The following STIM1 variants were observed in gnomAD, a reference collection of about 807,000 sequenced individuals.
The protein encoded by STIM1 is stromal interaction molecule 1.
STIM1 carries 25 observed loss-of-function variants against 74.7 expected under a neutral mutation model. The ratio of observed to expected loss-of-function variants is 0.33; its 90% CI spans 0.24 to 0.47. The LOEUF (loss-of-function observed/expected upper bound fraction) is 0.47. Among genes scored for constraint, STIM1 ranks in the 20% least tolerant of loss-of-function variants. STIM1 has a pLI of 1.00. For synonymous variants in STIM1, 328 were observed against 348.8 expected (o/e 0.94, Z 0.66); for missense variants, 728 against 920.8 (o/e 0.79, Z 2.71).
chr11:4,043,489 G>C (rs928796978), intron 3 of STIM1, among the ~76,000 whole-genome samples: 2 of 152,116 alleles, frequency 1.3e-5, no homozygotes, highest in African/African-American at 2.4e-5. Context: ...TATAAATACT[G>C]ATGGGATGGA....
intron 3 of STIM1, among the ~76,000 whole-genome samples, chr11:4,027,089 C>A (rs1174995177): frequency 6.6e-6 from 1 of 152,092 alleles, no homozygotes; most frequent in African/African-American, 2.4e-5. Flanking sequence ...ATCCAAGGGA[C>A]CCACCAGGAA....
At chr11:3,942,045 A>C (rs1239523497) in intron 1 of STIM1, among the ~76,000 whole-genome samples, 1 of 152,208 alleles carries the variant, frequency 6.6e-6, no homozygotes, top group Non-Finnish European at 1.5e-5. Flanking sequence ...TCTCAATTAA[A>C]AAATGTTCAA....
Position 4,092,010 on chromosome 11 carries a change from G to A in STIM1, c.*212G>A, listed in dbSNP as rs201861839. ...ACCATGGCCTGCCTGCCCTGCCTCC[G>A]TCCCAACCATGGGCTGCTGCTGTCA... On this transcript the variant is annotated 3_prime_UTR_variant, in exon 13 of 13. Transcript: ENST00000526596. 35 of 666,432 alleles carry A rather than the reference G, an allele frequency of 5.3e-5. No homozygotes were observed. Among genetic ancestry groups the A allele is most frequent in the Non-Finnish European group, 6.7e-5 (26 of 390,100 alleles). 41.3% of individuals were successfully genotyped at this position (666,432 alleles called of 1,614,324 possible).
chr11:4,010,872 C>A (rs1027491913), intron 2 of STIM1, among the ~76,000 whole-genome samples: 2 of 152,146 alleles, frequency 1.3e-5, no homozygotes, highest in Non-Finnish European at 2.9e-5. Flanking sequence ...CTCCCCCAGC[C>A]CCCAGCCCCC....
intron 2 of STIM1, among the ~76,000 whole-genome samples, chr11:3,977,293 G>A (rs1429925254): frequency 2.6e-5 from 4 of 152,158 alleles, no homozygotes; most frequent in Non-Finnish European, 4.4e-5. Context: ...GTCTTAGCAA[G>A]GGTGTGATCA....
chr11:3,979,121 G>T (rs1353321918), intron 2 of STIM1, among the ~76,000 whole-genome samples: 1 of 152,152 alleles, frequency 6.6e-6, no homozygotes, highest in Non-Finnish European at 1.5e-5. Context: ...GCCCAGTGCT[G>T]TGGTTAATAT....
At chr11:3,866,836 A>G (rs1291163491) in intron 1 of STIM1, among the ~76,000 whole-genome samples, 1 of 152,166 alleles carries the variant, frequency 6.6e-6, no homozygotes, top group African/African-American at 2.4e-5. Flanking sequence ...AGGGTAAAGA[A>G]AGAAAGAAAA....
intron 7 of STIM1, among the ~76,000 whole-genome samples, chr11:4,081,437 A>G (rs2094464849): frequency 6.6e-6 from 1 of 152,284 alleles, no homozygotes; most frequent in South Asian, 2.1e-4. Context: ...CATGCTCATT[A>G]TCTTCCCACC....
intron 1 of STIM1, among the ~76,000 whole-genome samples, chr11:3,869,505 T>TA (rs2090997627): frequency 6.6e-6 from 1 of 152,040 alleles, no homozygotes; most frequent in African/African-American, 2.4e-5. Context: ...CAGGTAGAAA[T>TA]ATAAGGGAAT....
At chr11:4,030,235 TG>T (rs2094037411) in intron 3 of STIM1, among the ~76,000 whole-genome samples, 2 of 150,688 alleles carry the variant, frequency 1.3e-5, no homozygotes, top group East Asian at 3.9e-4. Flanking sequence ...AGGCTGAGGC[TG>T]GAGAATTGTT....
At chr11:4,018,409 G>A (rs1368993813) in intron 2 of STIM1, among the ~76,000 whole-genome samples, 18 of 120,920 alleles carry the variant, frequency 1.5e-4, no homozygotes, top group Admixed American at 1.1e-3. Flanking sequence ...CCGAGATTGC[G>A]CCACTGCAGT....
chr11:3,960,355 C>G (rs1341637516), intron 1 of STIM1, among the ~76,000 whole-genome samples: 2 of 152,204 alleles, frequency 1.3e-5, no homozygotes, highest in African/African-American at 4.8e-5. Context: ...TTGTATCTGT[C>G]ACTGTGAAAT....
intron 1 of STIM1, among the ~76,000 whole-genome samples, chr11:3,881,581 C>T (rs939935477): frequency 6.6e-6 from 1 of 152,166 alleles, no homozygotes; most frequent in African/African-American, 2.4e-5. Flanking sequence ...CCCTGTTAGC[C>T]AGGATGGTCT....
chr11:4,045,210 C>T (rs1354978870), intron 3 of STIM1, among the ~76,000 whole-genome samples: 1 of 152,044 alleles, frequency 6.6e-6, no homozygotes, highest in Non-Finnish European at 1.5e-5. Flanking sequence ...CACTACACTC[C>T]AAGCAGAAAG....
At chr11:3,900,297 A>G (rs2092314176) in intron 1 of STIM1, among the ~76,000 whole-genome samples, 1 of 152,116 alleles carries the variant, frequency 6.6e-6, no homozygotes, top group Non-Finnish European at 1.5e-5. Context: ...AAAGCGCAGT[A>G]TTGGGGTGGG....
At chr11:4,059,989 G>A (rs1322512145) in intron 5 of STIM1, among the ~76,000 whole-genome samples, 3 of 152,160 alleles carry the variant, frequency 2.0e-5, no homozygotes, top group African/African-American at 7.2e-5. Context: ...ATGACAGTGG[G>A]TTATTGTAGA....
chr11:3,856,436 G>A, intron 1 of STIM1, 27 bp downstream of exon 1: 4 of 1,610,070 alleles, frequency 2.5e-6, no homozygotes, highest in Non-Finnish European at 3.4e-6. Flanking sequence ...GGCTGGACTG[G>A]GCTGGAGGCT....
At chr11:4,023,330 GACAAACAAACAA>G (rs74727994) in intron 2 of STIM1, among the ~76,000 whole-genome samples, 2 of 150,878 alleles carry the variant, frequency 1.3e-5, no homozygotes, top group Middle Eastern at 3.4e-3. Flanking sequence ...TCTGTCTCAA[GACAAACAAACAA>G]ACAAACAAAC....
chr11:3,859,159 A>G (rs945451602), intron 1 of STIM1, among the ~76,000 whole-genome samples: 2 of 152,138 alleles, frequency 1.3e-5, no homozygotes, highest in Non-Finnish European at 2.9e-5. Flanking sequence ...CTTTTTAGTT[A>G]GTTAAAATAT....
Sources: gnomAD v4.1 joint callset for allele counts (sites outside exome capture counted in the v4.1 genomes callset) on GRCh38, gnomAD v4.1.1 for gene constraint, MANE v1.5 for transcripts, NCBI Gene and HGNC (gene_info 2026-07-23, HGNC 2026-07-21) for gene names.